The following CHN2 variants were observed in gnomAD, a reference collection of about 807,000 sequenced individuals.
The protein encoded by CHN2 is beta-chimaerin.
In CHN2, 35 loss-of-function variants were observed where a neutral mutation model predicts 56.3. That is an observed-to-expected ratio of 0.62 (90% CI 0.47 to 0.82). The LOEUF is 0.82. Among genes scored for constraint, CHN2 ranks in the 40% least tolerant of loss-of-function variants. The probability of loss-of-function intolerance (pLI) is 0.00; values close to 1 mark genes in which losing one functional copy is unlikely to be tolerated. For missense variants in CHN2, 491 were observed against 580.5 expected, an observed-to-expected ratio of 0.85 and a Z score of 1.58; for synonymous variants, 210 against 212.8, an observed-to-expected ratio of 0.99 and a Z score of 0.12.
intron 6 of CHN2, among the ~76,000 whole-genome samples, chr7:29,455,945 C>G (rs988835269): frequency 6.6e-6 from 1 of 152,200 alleles, no homozygotes; most frequent in African/African-American, 2.4e-5. Flanking sequence ...TTTCCAATCT[C>G]AACTAAACTT....
intron 1 of CHN2, among the ~76,000 whole-genome samples, chr7:29,243,241 A>G (rs994731302): frequency 6.6e-6 from 1 of 152,178 alleles, no homozygotes; most frequent in Non-Finnish European, 1.5e-5. Flanking sequence ...TCTTTTACAA[A>G]TATGTGACTT....
chr7:29,464,823 G>A (rs2128140474), intron 6 of CHN2, among the ~76,000 whole-genome samples: 1 of 152,300 alleles, frequency 6.6e-6, no homozygotes, highest in South Asian at 2.1e-4. Flanking sequence ...CATGTGCAAG[G>A]TGAGGAAGCT....
chr7:29,478,313 G>A (rs1055087915), intron 6 of CHN2, among the ~76,000 whole-genome samples: 8 of 152,012 alleles, frequency 5.3e-5, no homozygotes, highest in Non-Finnish European at 1.2e-4. Context: ...GGATGAGCTG[G>A]GTACATTAGG....
intron 9 of CHN2, among the ~76,000 whole-genome samples, chr7:29,503,897 T>C (rs951481871): frequency 7.9e-5 from 12 of 152,332 alleles, no homozygotes; most frequent in Middle Eastern, 6.8e-3. Flanking sequence ...TTATCCCTGC[T>C]CATACTTTTG....
At chr7:29,391,653 C>T (rs1056538494) in intron 3 of CHN2, among the ~76,000 whole-genome samples, 2 of 152,144 alleles carry the variant, frequency 1.3e-5, no homozygotes, top group Non-Finnish European at 2.9e-5. Context: ...TTTCAAGGCA[C>T]CCTAAATATC....
intron 6 of CHN2, among the ~76,000 whole-genome samples, chr7:29,442,024 C>G (rs1783684377): frequency 6.6e-6 from 1 of 152,144 alleles, no homozygotes; most frequent in Non-Finnish European, 1.5e-5. Context: ...AGATAGAAAC[C>G]TGCCAAATGT....
intron 3 of CHN2, among the ~76,000 whole-genome samples, chr7:29,382,924 T>C (rs1800631482): frequency 1.3e-5 from 2 of 152,112 alleles, no homozygotes; most frequent in Non-Finnish European, 2.9e-5. Context: ...AAGCTATGTA[T>C]GAGGAACATG....
intron 2 of CHN2, among the ~76,000 whole-genome samples, chr7:29,163,245 A>G (rs2128713724): frequency 6.6e-6 from 1 of 152,316 alleles, no homozygotes; most frequent in African/African-American, 2.4e-5. Flanking sequence ...ACGTGCTACA[A>G]GTGTAAAGTA....
intron 2 of CHN2, among the ~76,000 whole-genome samples, chr7:29,154,740 C>T (rs1230362379): frequency 2.0e-5 from 3 of 152,106 alleles, no homozygotes; most frequent in Non-Finnish European, 4.4e-5. Flanking sequence ...GAGGCTGAGG[C>T]AGGAGAATCT....
chr7:29,163,361 T>C (rs970561705), intron 2 of CHN2, among the ~76,000 whole-genome samples: 1 of 152,110 alleles, frequency 6.6e-6, no homozygotes, highest in Non-Finnish European at 1.5e-5. Flanking sequence ...AAATATATTA[T>C]TAAAATTATT....
intron 1 of CHN2, among the ~76,000 whole-genome samples, chr7:29,224,861 T>A (rs775911811): frequency 2.0e-5 from 3 of 152,240 alleles, no homozygotes; most frequent in Non-Finnish European, 4.4e-5. Context: ...CTGTCTGTAT[T>A]TTTCTCATTG....
intron 2 of CHN2, among the ~76,000 whole-genome samples, chr7:29,166,504 A>G (rs1795937220): frequency 6.6e-6 from 1 of 152,118 alleles, no homozygotes; most frequent in Non-Finnish European, 1.5e-5. Context: ...GTTTCTAACT[A>G]TAATAGCTTT....
chr7:29,461,937 T>G (rs1021396238), intron 6 of CHN2, among the ~76,000 whole-genome samples: 2 of 148,494 alleles, frequency 1.3e-5, no homozygotes, highest in Non-Finnish European at 2.9e-5. Context: ...AAATTGTAAC[T>G]GTATATTTCT....
At chr7:29,460,169 C>T (rs1276255978) in intron 6 of CHN2, among the ~76,000 whole-genome samples, 2 of 152,158 alleles carry the variant, frequency 1.3e-5, no homozygotes. Flanking sequence ...TTTAAAGCCC[C>T]CTGAGCAATT....
In CHN2 at chr7:29,387,663, G is replaced by T. The variant is rs534559656; in HGVS notation, c.145-6016G>T. 3.3e-5 allele frequency among the ~76,000 whole-genome samples: 5 copies of T among 152,254 alleles called. No individual in the cohort carries two copies. In the South Asian group the frequency reaches 1.0e-3, roughly 32 times the overall value. ...AGTAGCAGGGTGCTGAAAGACAAAG[G>T]GTGGGCTTCTCTCATATCTGTGTTC... is the stretch of plus-strand genomic sequence containing the variant. On this transcript the variant is annotated intron_variant, in intron 3 of 12. Transcript: ENST00000222792.
At chr7:29,381,422 A>G (rs1800487664) in intron 3 of CHN2, among the ~76,000 whole-genome samples, 1 of 152,186 alleles carries the variant, frequency 6.6e-6, no homozygotes, top group African/African-American at 2.4e-5. Context: ...GAGCCAACAT[A>G]TGGAGCCAAG....
At chr7:29,469,988 A>G (rs1785892298) in intron 6 of CHN2, among the ~76,000 whole-genome samples, 1 of 152,240 alleles carries the variant, frequency 6.6e-6, no homozygotes, top group African/African-American at 2.4e-5. Context: ...TATGTTTGCA[A>G]CATATCCAAG....
At chr7:29,338,721 G>A (rs906039730) in intron 1 of CHN2, among the ~76,000 whole-genome samples, 2 of 152,154 alleles carry the variant, frequency 1.3e-5, no homozygotes, top group Non-Finnish European at 2.9e-5. Flanking sequence ...TGGGATTGCA[G>A]GCTAGTGCCA....
chr7:29,220,498 C>A (rs564076217), intron 1 of CHN2, among the ~76,000 whole-genome samples: 2 of 151,718 alleles, frequency 1.3e-5, no homozygotes, highest in South Asian at 2.1e-4. Context: ...TCATAGAGAT[C>A]AAAAAGATAA....
Sources: gnomAD v4.1 joint callset for allele counts (sites outside exome capture counted in the v4.1 genomes callset) on GRCh38, gnomAD v4.1.1 for gene constraint, MANE v1.5 for transcripts, NCBI Gene and HGNC (gene_info 2026-07-23, HGNC 2026-07-21) for gene names.